Variants in STK3 observed in about 807,000 individuals in gnomAD.
STK3 encodes serine/threonine-protein kinase 3.
STK3 carries 41 observed loss-of-function variants against 58.0 expected under a neutral mutation model. The observed-to-expected ratio is 0.71, with a 90% CI of 0.55 to 0.92. The LOEUF (loss-of-function observed/expected upper bound fraction) is 0.92. Ranked by LOEUF, STK3 falls within the 40% of genes least tolerant of loss-of-function variation. STK3 has a pLI of 0.00. For synonymous variants in STK3, 170 were observed against 191.0 expected (o/e 0.89, Z 0.91); for missense variants, 479 against 602.7 (o/e 0.79, Z 2.15).
chr8:98,706,657 T>G (rs769204254), intron 5 of STK3, 23 bp from the exon 6 acceptor site: 1 of 1,532,840 alleles, frequency 6.5e-7, no homozygotes, highest in Admixed American at 2.0e-5. Context: ...TACATAGCCA[T>G]AAATGCTACT....
At chr8:98,602,212 T>A (rs1816406757) in intron 6 of STK3, 1 of 151,924 alleles carries the variant, frequency 6.6e-6, no homozygotes, top group African/African-American at 2.4e-5. Flanking sequence ...ATTGTCTGAA[T>A]GTTTGTGTCT....
chr8:98,621,229 C>T lies in STK3; in HGVS notation c.685-25060G>A, dbSNP rs563615467. ...TGCTGGGATTACAGGCATGAGCCAC[C>T]GCGCCCGGCCAACAACTGATTTTTA... On this transcript the variant is annotated intron_variant, in intron 6 of 10. Transcript: ENST00000419617. Among the ~76,000 whole-genome samples the T allele has an allele frequency of 1.1e-4, 17 of 152,326 alleles. No individual in the cohort carries two copies. In the East Asian group the frequency reaches 2.7e-3, roughly 24 times the overall value.
At chr8:98,369,937 T>C (rs1482355547), downstream of STK3, among the ~76,000 whole-genome samples, 1 of 151,990 alleles carries the variant, frequency 6.6e-6, no homozygotes, top group African/African-American at 2.4e-5. Context: ...GGTTCCTGCG[T>C]GTGGGCAAAG....
At chr8:98,358,417 G>C in the STK3 span, among the ~76,000 whole-genome samples, 3 of 152,200 alleles carry the variant, frequency 2.0e-5, no homozygotes, top group Non-Finnish European at 4.4e-5. Flanking sequence ...TGCCCAGTAG[G>C]CTTGTGCTTT....
chr8:98,930,282 T>C (rs913433242), intron 1 of STK3, among the ~76,000 whole-genome samples: 119 of 152,300 alleles, frequency 7.8e-4, no homozygotes, highest in African/African-American at 2.8e-3. Context: ...CCTCAGCATG[T>C]AGGGAGGGAG....
At chr8:98,756,058 G>A (rs529721744) in intron 3 of STK3, among the ~76,000 whole-genome samples, 18 of 151,980 alleles carry the variant, frequency 1.2e-4, no homozygotes, top group Middle Eastern at 3.4e-3. Flanking sequence ...CAGGAGAATC[G>A]CTTGAACCCG....
At chr8:98,580,073 A>T (rs557860597) in intron 7 of STK3, among the ~76,000 whole-genome samples, 32 of 152,310 alleles carry the variant, frequency 2.1e-4, no homozygotes, top group African/African-American at 7.7e-4. Context: ...GTCCAAAGGA[A>T]GTGTACATTA....
At chr8:98,691,898 C>T (rs1824436127) in intron 6 of STK3, among the ~76,000 whole-genome samples, 1 of 149,634 alleles carries the variant, frequency 6.7e-6, no homozygotes, top group Non-Finnish European at 1.5e-5. Flanking sequence ...TGCCACTACA[C>T]TCTAGCCTGG....
At chr8:98,713,009 C>A (rs1052883661) in intron 4 of STK3, among the ~76,000 whole-genome samples, 3 of 152,182 alleles carry the variant, frequency 2.0e-5, no homozygotes, top group African/African-American at 7.2e-5. Context: ...TACATGGAAA[C>A]TGAACAACCT....
At chr8:98,527,503 C>G (rs1825838016) in intron 9 of STK3, among the ~76,000 whole-genome samples, 1 of 151,964 alleles carries the variant, frequency 6.6e-6, no homozygotes, top group Non-Finnish European at 1.5e-5. Context: ...ATCTGTAGTC[C>G]CAGCTACTTT....
chr8:98,449,123 G>T (rs1819082882), intron 1 of STK3, among the ~76,000 whole-genome samples: 1 of 152,146 alleles, frequency 6.6e-6, no homozygotes, highest in African/African-American at 2.4e-5. Context: ...TCCAGAAGAA[G>T]AAGAAGAGAA....
Position 98,571,269 on chromosome 8 carries a change from G to A in STK3, c.948+8395C>T, listed in dbSNP as rs537797448. ...CGCTTGAACCCAGGAGGCAGAGGTT[G>A]CAGTAAGCCGGGGATCACGCCACTG... On this transcript the variant is annotated intron_variant, in intron 8 of 10. Coordinates refer to ENST00000419617, the MANE Select transcript of STK3 (RefSeq NM_006281.4). 3.9e-4 allele frequency among the ~76,000 whole-genome samples: 59 copies of A among 152,298 alleles called. 1 individual carries two copies. In the South Asian group the frequency reaches 0.012, roughly 31 times the overall value.
intron 1 of STK3, among the ~76,000 whole-genome samples, chr8:98,890,354 G>A (rs563727342): frequency 6.6e-6 from 1 of 152,302 alleles, no homozygotes; most frequent in East Asian, 1.9e-4. Context: ...TGTCTTCGTA[G>A]CCTAAGACAG....
At chr8:98,435,476 A>T (rs1818453703) in intron 2 of STK3, among the ~76,000 whole-genome samples, 2 of 152,148 alleles carry the variant, frequency 1.3e-5, no homozygotes, top group African/African-American at 2.4e-5. Flanking sequence ...TGTTGTCAGA[A>T]TATGACTCTA....
chr8:98,443,718 C>T (rs543986034), intron 1 of STK3, among the ~76,000 whole-genome samples: 2 of 152,198 alleles, frequency 1.3e-5, no homozygotes, highest in South Asian at 2.1e-4. Flanking sequence ...CATGGTGGCA[C>T]GTGCCTGTAA....
At chr8:98,755,089 T>C (rs1211166243) in intron 3 of STK3, among the ~76,000 whole-genome samples, 1 of 152,202 alleles carries the variant, frequency 6.6e-6, no homozygotes, top group African/African-American at 2.4e-5. Context: ...AAATAATTCA[T>C]GGCCCATCTA....
chr8:98,461,967 T>C (rs1820019780), intron 10 of STK3, among the ~76,000 whole-genome samples: 1 of 152,090 alleles, frequency 6.6e-6, no homozygotes, highest in South Asian at 2.1e-4. Flanking sequence ...AAAACACTTT[T>C]TTTTTTTGTG....
At chr8:98,595,547 A>T (rs1190626508) in intron 7 of STK3, 1 of 152,094 alleles carries the variant, frequency 6.6e-6, no homozygotes, top group Non-Finnish European at 1.5e-5. Context: ...ATTTGCATTA[A>T]ATTTTAAGGT....
At chr8:98,366,192 T>A in the STK3 span, among the ~76,000 whole-genome samples, 1 of 152,216 alleles carries the variant, frequency 6.6e-6, no homozygotes, top group Non-Finnish European at 1.5e-5. Flanking sequence ...AATGTGCAAT[T>A]GAATTTCCTT....
Sources: allele counts gnomAD v4.1 joint callset (sites outside exome capture counted in the v4.1 genomes callset), GRCh38; gene constraint gnomAD v4.1.1; transcripts MANE v1.5; gene names NCBI Gene and HGNC (gene_info 2026-07-23, HGNC 2026-07-21).